Variants in CREB3L3 observed in about 807,000 individuals in gnomAD.
The protein encoded by CREB3L3 is cAMP responsive element binding protein 3 like 3.
A neutral mutation model predicts 44.6 loss-of-function variants in CREB3L3; 40 were observed. The ratio of observed to expected loss-of-function variants is 0.90; its 90% confidence interval spans 0.70 to 1.17. The LOEUF is 1.17. Ranked by LOEUF, CREB3L3 falls within the 50% of genes most tolerant of loss-of-function variation. The pLI, the probability that CREB3L3 is intolerant of heterozygous loss-of-function variation, is 0.00. For synonymous variants in CREB3L3, 273 were observed against 256.3 expected (o/e 1.06, Z -0.62); for missense variants, 578 against 595.8 (o/e 0.97, Z 0.31).
chr19:4,156,418 C>T (rs2041577850), intron 2 of CREB3L3, among the ~76,000 whole-genome samples: 2 of 151,650 alleles, frequency 1.3e-5, no homozygotes, highest in African/African-American at 4.8e-5. Context: ...AACTCCCGAC[C>T]TCAGGTGATC....
intron 7 of CREB3L3, among the ~76,000 whole-genome samples, chr19:4,170,578 C>T (rs1050737470): frequency 2.0e-5 from 3 of 150,902 alleles, no homozygotes; most frequent in Non-Finnish European, 2.9e-5. Context: ...CACCACTGCA[C>T]TCCAGCCTGG....
In CREB3L3 at chr19:4,157,213, C is replaced by G. The variant is rs2041595883; in HGVS notation, c.375C>G (p.Ser125=). 6.2e-7 allele frequency: 1 copy of G among 1,614,048 alleles called. No individual in the cohort carries two copies. The highest frequency in any genetic ancestry group is 1.3e-5 in the African/African-American group (1 of 74,934). The change falls in exon 3 of 10, where the codon TCC becomes TCG. Residue 125 remains serine, a synonymous_variant. Transcript: ENST00000078445. ...AGCCTGGCAAGGGGCCCTGCCTCTCCTATCATCCTGGCAACTCTTGCTCCA... is the reference window on the plus strand; with the variant it reads ...AGCCTGGCAAGGGGCCCTGCCTCTCGTATCATCCTGGCAACTCTTGCTCCA... ...PAQPGKGPCL[S]YHPGNSCSTT...
rs201933439 is a variant in CREB3L3 at position 4,168,360 on chromosome 19, C to G, written c.724C>G (p.Arg242Gly). ...CCATTTCACTTGGCAGTACGAGGAGCGAGTGCTGAAAAAAATCCGCCGGAA... is the reference window on the plus strand; with the variant it reads ...CCATTTCACTTGGCAGTACGAGGAGGGAGTGCTGAAAAAAATCCGCCGGAA... ...TQLPLTKYEE[R>G]VLKKIRRKIR... The change falls in exon 6 of 10, where the codon CGA becomes GGA. Residue 242 changes from arginine to glycine, a missense_variant. Arg to Gly is a moderately radical substitution (Grantham distance 125). Coordinates refer to ENST00000078445, the MANE Select transcript of CREB3L3 (RefSeq NM_032607.3). The G allele has an allele frequency of 6.2e-7, 1 of 1,609,020 alleles. No individual in the cohort carries two copies.
At chr19:4,169,121 T>C (rs552899003) in intron 6 of CREB3L3, among the ~76,000 whole-genome samples, 2 of 152,154 alleles carry the variant, frequency 1.3e-5, no homozygotes, top group South Asian at 4.2e-4. Flanking sequence ...CCTGGGTAAT[T>C]GTATCCCATT....
Position 4,171,371 on chromosome 19 carries a change from T to C in CREB3L3, c.976-12T>C. On this transcript the variant is annotated splice_polypyrimidine_tract_variant and intron_variant, in intron 8 of 9. Transcript: ENST00000078445. This position sits in a 1 kb window ranked among gnomAD's most constrained non-coding sequence, Gnocchi z 4.9. ...GGGAGGGAGGGGGTGACTCTGCCGC[T>C]GTCTCCACCAGGTCCTGTTGCTGTC... The C allele has an allele frequency of 6.2e-7, 1 of 1,612,984 alleles. No individual in the cohort carries two copies. Among genetic ancestry groups the C allele is most frequent in the Non-Finnish European group, 8.5e-7 (1 of 1,178,948 alleles).
At position 4,157,209 on chromosome 19, in the gene CREB3L3, T is replaced by C. The variant is rs1456345251; in HGVS notation, c.371T>C (p.Leu124Pro). The C allele has an allele frequency of 6.2e-7, 1 of 1,613,816 alleles. No individual in the cohort carries two copies. The highest frequency in any genetic ancestry group is 8.5e-7 in the Non-Finnish European group (1 of 1,179,990). Reference sequence around the variant, plus strand: ...GCCCAGCCTGGCAAGGGGCCCTGCCTCTCCTATCATCCTGGCAACTCTTGC... The same window carrying C: ...GCCCAGCCTGGCAAGGGGCCCTGCCCCTCCTATCATCCTGGCAACTCTTGC... ...HPAQPGKGPCLSYHPGNSCST... is the reference protein window; with the variant it reads ...HPAQPGKGPCPSYHPGNSCST... Residue 124 changes from leucine to proline, a missense_variant, in exon 3 of 10, where the codon CTC becomes CCC. Physicochemically the swap from Leu to Pro is moderately conservative, Grantham distance 98 (BLOSUM62 -3). Transcript: ENST00000078445.
chr19:4,168,719 G>A (rs966233689), intron 6 of CREB3L3, among the ~76,000 whole-genome samples: 4 of 152,140 alleles, frequency 2.6e-5, no homozygotes, highest in African/African-American at 9.7e-5. Flanking sequence ...CTGACCCTCT[G>A]CCTGAAGATA....
intron 2 of CREB3L3, 82 bp from the exon 3 acceptor site, chr19:4,156,913 C>A: frequency 2.1e-6 from 3 of 1,446,366 alleles, no homozygotes; most frequent in South Asian, 2.3e-5. Flanking sequence ...CAAAGAGGGT[C>A]ACTGGTTTCC....
In CREB3L3 at chr19:4,157,141, TC is replaced by T; in HGVS notation, c.305del (p.Pro102HisfsTer39). The T allele has an allele frequency of 6.2e-7, 1 of 1,613,466 alleles. No individual in the cohort carries two copies. The highest frequency in any genetic ancestry group is 1.1e-5 in the South Asian group (1 of 91,060). On this transcript the variant is annotated frameshift_variant, in exon 3 of 10. Transcript: ENST00000078445. LOFTEE classifies it high-confidence loss of function. ...TCCCCTCCGACCCCCAGGACACCCC[TC>T]CACGCAGCGGACCAGCCACCTCCCC... ...DLPSDPQDTP[P>X]RSGPATSPAG...
At chr19:4,157,971 C>T (rs2041608205) in intron 3 of CREB3L3, among the ~76,000 whole-genome samples, 1 of 152,074 alleles carries the variant, frequency 6.6e-6, no homozygotes, top group African/African-American at 2.4e-5. Flanking sequence ...AGGTGTGAGC[C>T]GCTCCACCCA....
rs920777543 is a variant in CREB3L3 at position 4,171,952 on chromosome 19, G to T, written c.1369G>T (p.Ala457Ser). The change falls in exon 10 of 10, where the codon GCG (alanine) becomes TCG (serine). Residue 457 changes from alanine (A) to serine (S), a missense_variant. Ala to Ser is a moderately conservative substitution (Grantham distance 99). Transcript: ENST00000078445. The surrounding 1 kb of genome is among the most constrained non-coding windows in gnomAD (Gnocchi z 4.9). ...TGSGRAGLEA[A>S]GDEL ...CTCAGGACGTGCAGGGCTGGAGGCG[G>T]CGGGAGACGAGCTGTGAGCCCCGCC... 1 of 1,602,340 alleles carries T rather than the reference G, an allele frequency of 6.2e-7. No individual in the cohort carries two copies. The highest frequency in any genetic ancestry group is 1.3e-5 in the African/African-American group (1 of 74,726).
chr19:4,168,315 C>G (rs765356841), intron 5 of CREB3L3, 36 bp from the exon 6 acceptor site: 1 of 1,564,698 alleles, frequency 6.4e-7, no homozygotes, highest in Non-Finnish European at 8.8e-7. Context: ...TGGGGACTTT[C>G]TGGCCTGAAA....
rs1207951324 is a variant in CREB3L3, at chr19:4,163,165, G to A, written c.577-1338G>A. Reference sequence around the variant, plus strand: ...TACTAAAAATAACAAAAAATTAGCCGGGCGTGGTGGCGGGCACCTGTAGTC... The same window carrying A: ...TACTAAAAATAACAAAAAATTAGCCAGGCGTGGTGGCGGGCACCTGTAGTC... On this transcript the variant is annotated intron_variant, in intron 4 of 9. Transcript: ENST00000078445. Among the ~76,000 whole-genome samples, 7 of 151,812 alleles carry A rather than the reference G, an allele frequency of 4.6e-5. 1 individual carries two copies. In the South Asian group the frequency reaches 1.0e-3, roughly 23 times the overall value.
intron 5 of CREB3L3, among the ~76,000 whole-genome samples, chr19:4,165,331 C>G (rs1454174593): frequency 7.5e-6 from 1 of 133,082 alleles, no homozygotes; most frequent in Non-Finnish European, 1.6e-5. Context: ...CTACACTTGG[C>G]TAATTTAATT....
chr19:4,153,756 GGA>G lies in CREB3L3; in HGVS notation c.10_11del (p.Asp4PhefsTer20), dbSNP rs1568276466. 1.2e-6 allele frequency: 2 copies of G among 1,614,112 alleles called. No homozygotes were observed. Among genetic ancestry groups the G allele is most frequent in the Non-Finnish European group, 1.7e-6 (2 of 1,180,034 alleles). Reference protein sequence around the residue: MNTDLAAGKMASAA... With the variant: MNTXLAAGKMASAA... Reference sequence around the variant, plus strand: ...CAGAACTGGATGGACCCATGAATACGGATTTAGCTGCTGGAAAGGTGAGCCCT... The same window carrying G: ...CAGAACTGGATGGACCCATGAATACGTTTAGCTGCTGGAAAGGTGAGCCCT... On this transcript the variant is annotated frameshift_variant, in exon 1 of 10. Transcript: ENST00000078445. LOFTEE classifies it high-confidence loss of function.
chr19:4,164,397 C>A (rs2041699399), intron 4 of CREB3L3, 106 bp from the exon 5 acceptor site: 3 of 1,436,158 alleles, frequency 2.1e-6, no homozygotes, highest in South Asian at 1.1e-5. Flanking sequence ...CGTGAGCCAC[C>A]ACACCCAGCC....
In CREB3L3 at chr19:4,164,489, G is replaced by C; in HGVS notation, c.577-14G>C. 6.2e-7 allele frequency: 1 copy of C among 1,613,870 alleles called. No individual in the cohort carries two copies. The highest frequency in any genetic ancestry group is 8.5e-7 in the Non-Finnish European group (1 of 1,179,980). On this transcript the variant is annotated splice_polypyrimidine_tract_variant and intron_variant, in intron 4 of 9. Coordinates refer to ENST00000078445, the MANE Select transcript of CREB3L3 (RefSeq NM_032607.3). ...TCCCTGCACCCGCCGTCATTCCTCT[G>C]ATTTTTTCCGTAGCAACAGCATCAC...
intron 5 of CREB3L3, among the ~76,000 whole-genome samples, chr19:4,166,559 CAGCA>C (rs1966911050): frequency 2.0e-5 from 3 of 148,518 alleles, no homozygotes; most frequent in African/African-American, 7.7e-5. Context: ...CCACTGCGCC[CAGCA>C]TTTTTTTTTT....
Position 4,154,910 on chromosome 19 carries a change from T to G in CREB3L3, c.39T>G (p.Ala13=). 2 of 1,614,020 alleles carry G rather than the reference T, an allele frequency of 1.2e-6. No homozygotes were observed. The highest frequency in any genetic ancestry group is 1.1e-5 in the South Asian group (1 of 91,088). ...TCCTCGCGCCCCAGATGGCTTCTGC[T>G]GCCTGCTCCATGGACCCCATCGACA... ...TDLAAGKMAS[A]ACSMDPIDSF... Residue 13 remains alanine (A), a synonymous_variant, in exon 2 of 10, where the codon GCT becomes GCG. Coordinates refer to ENST00000078445, the MANE Select transcript of CREB3L3 (RefSeq NM_032607.3).
Sources: allele counts gnomAD v4.1 joint callset (sites outside exome capture counted in the v4.1 genomes callset), GRCh38; gene constraint gnomAD v4.1.1; non-coding constraint Gnocchi (gnomAD v3.1); transcripts MANE v1.5; gene names NCBI Gene and HGNC (gene_info 2026-07-23, HGNC 2026-07-21).